The following HERC1 variants were observed in gnomAD, a reference collection of about 807,000 sequenced individuals.
HERC1 encodes HECT and RLD domain containing E3 ubiquitin protein ligase family member 1, also known as probable E3 ubiquitin-protein ligase HERC1.
In HERC1, 160 loss-of-function variants were observed where a neutral mutation model predicts 554.3. That is an observed-to-expected ratio of 0.29 (90% CI 0.25 to 0.33). The LOEUF is 0.33. Among genes scored for constraint, HERC1 ranks in the 10% least tolerant of loss-of-function variants. The pLI, the probability that HERC1 is intolerant of heterozygous loss-of-function variation, is 1.00. For missense variants in HERC1, 4,919 were observed against 5,918.5 expected, an observed-to-expected ratio of 0.83 and a Z score of 5.54; for synonymous variants, 2,175 against 2,131.7, an observed-to-expected ratio of 1.02 and a Z score of -0.56.
intron 1 of HERC1, among the ~76,000 whole-genome samples, chr15:63,832,300 T>C (rs1267700636): frequency 1.3e-5 from 2 of 152,168 alleles, no homozygotes; most frequent in African/African-American, 4.8e-5. Context: ...TCTATACATA[T>C]ATACGTACAT....
At chr15:63,642,568 C>T (rs918718111) in intron 59 of HERC1, among the ~76,000 whole-genome samples, 7 of 152,184 alleles carry the variant, frequency 4.6e-5, no homozygotes, top group Non-Finnish European at 8.8e-5. Context: ...GAACTCAGGA[C>T]CTTGAGCAAT....
rs565019858 is a variant in HERC1, at chr15:63,630,847, C to T, written c.12797-212G>A. 95 of 474,134 alleles carry T rather than the reference C, an allele frequency of 2.0e-4. No individual in the cohort carries two copies. In the East Asian group the frequency reaches 3.1e-3, roughly 16 times the overall value. The allele number at this position is 474,134 out of a possible 1,614,324, so 29.4% of individuals were successfully genotyped here. On this transcript the variant is annotated intron_variant, in intron 68 of 77. Transcript: ENST00000443617. ...GTTTCTCTGCAAAACATCACAGGCT[C>T]TTTATTCATAAAAATTTTTTAAAAA...
intron 1 of HERC1, among the ~76,000 whole-genome samples, chr15:63,816,334 G>A (rs2077492835): frequency 6.6e-6 from 1 of 152,166 alleles, no homozygotes; most frequent in South Asian, 2.1e-4. Context: ...AGCCACATTG[G>A]GAAATGCTGC....
chr15:63,760,319 C>T (rs180758778), intron 3 of HERC1, among the ~76,000 whole-genome samples: 7 of 149,846 alleles, frequency 4.7e-5, no homozygotes, highest in Admixed American at 2.0e-4. Context: ...ACTAATCCTA[C>T]GTAGAAATAA....
chr15:63,725,829 T>C (rs917788076), intron 17 of HERC1, among the ~76,000 whole-genome samples: 10 of 152,152 alleles, frequency 6.6e-5, no homozygotes, highest in Admixed American at 3.3e-4. Context: ...AAATTCACTA[T>C]CTTTAGGGAG....
chr15:63,725,782 C>G (rs1318269132), intron 17 of HERC1, among the ~76,000 whole-genome samples: 1 of 151,978 alleles, frequency 6.6e-6, no homozygotes, highest in African/African-American at 2.4e-5. Context: ...AACATTATTC[C>G]AATCAATTAT....
intron 43 of HERC1, 50 bp downstream of exon 43, chr15:63,664,419 CT>C (rs969607630): frequency 8.3e-6 from 13 of 1,558,954 alleles, no homozygotes; most frequent in Non-Finnish European, 9.6e-6. Context: ...CTTTACATTG[CT>C]TTCAAAATAA....
At chr15:63,713,332 T>C (rs1172157035) in intron 23 of HERC1, 21 bp downstream of exon 23, 1 of 1,597,586 alleles carries the variant, frequency 6.3e-7, no homozygotes, top group Non-Finnish European at 8.6e-7. Flanking sequence ...GGTCATGTTT[T>C]CAGTGTCTAG....
chr15:63,633,681 TCAAGACCTAG>T (rs1483497145), intron 67 of HERC1, among the ~76,000 whole-genome samples, 157 bp downstream of exon 67: 2 of 152,194 alleles, frequency 1.3e-5, no homozygotes, highest in African/African-American at 4.8e-5. Context: ...TTATTTAAAA[TCAAGACCTAG>T]CATGTGGGCA....
At chr15:63,783,377 G>C (rs2076343518) in intron 1 of HERC1, among the ~76,000 whole-genome samples, 1 of 152,034 alleles carries the variant, frequency 6.6e-6, no homozygotes, top group East Asian at 1.9e-4. Context: ...ACAACTCTTT[G>C]AAGGATCAGA....
At chr15:63,760,435 C>CAAAAAAAAAAAAAAAA (rs34164820) in intron 3 of HERC1, among the ~76,000 whole-genome samples, 2 of 91,424 alleles carry the variant, frequency 2.2e-5, no homozygotes, top group African/African-American at 4.3e-5. Flanking sequence ...AGACACCATC[C>CAAAAAAAAAAAAAAAA]AAAAAAAAAA....
chr15:63,647,810 A>C (rs1418857506), intron 55 of HERC1, among the ~76,000 whole-genome samples: 2 of 152,178 alleles, frequency 1.3e-5, no homozygotes, highest in Non-Finnish European at 2.9e-5. Context: ...GACAAAAAAC[A>C]ACAGATGTTG....
chr15:63,638,865 C>G lies in HERC1; in HGVS notation c.11902-89G>C, dbSNP rs59224907. The G allele has an allele frequency of 2.8e-3, 2,482 of 871,284 alleles. 42 individuals are homozygous for G. In the African/African-American group the frequency reaches 0.038, roughly 13 times the overall value. The allele number at this position is 871,284 out of a possible 1,614,324, so 54.0% of individuals were successfully genotyped here. A position where few individuals can be genotyped will look rare whatever the true frequency, so the allele number is the denominator to read the frequency against. On this transcript the variant is annotated intron_variant, in intron 61 of 77. Transcript: ENST00000443617. ...CAAAGTCCTCTTCTAATCATTAAGTCTTATTTCCAAAAAAGAATATGGTAA... is the reference window on the plus strand; with the variant it reads ...CAAAGTCCTCTTCTAATCATTAAGTGTTATTTCCAAAAAAGAATATGGTAA...
rs941934681 is a variant in HERC1, at chr15:63,655,836, T to G, written c.9990A>C (p.Pro3330=). 2.5e-6 allele frequency: 4 copies of G among 1,603,716 alleles called. No individual in the cohort carries two copies. The highest frequency in any genetic ancestry group is 2.7e-5 in the African/African-American group (2 of 74,932). ...IAEENKLVTS[P]NFVVTQALVA... ...CAAGGGCCTGTGTTACAACAAAGTT[T>G]GGGGAGGTCACAAGCTTGTTCTCTT... is the stretch of plus-strand genomic sequence containing the variant. The change falls in exon 50 of 78, where the codon CCA becomes CCC. Residue 3330 remains proline (P), a synonymous_variant. Coordinates refer to ENST00000443617, the MANE Select transcript of HERC1 (RefSeq NM_003922.4).
intron 40 of HERC1, among the ~76,000 whole-genome samples, chr15:63,668,616 T>TA (rs2070755472): frequency 1.3e-5 from 2 of 152,246 alleles, no homozygotes; most frequent in East Asian, 3.9e-4. Context: ...TAACAATTTT[T>TA]AAAAAGCAGG....
Position 63,622,688 on chromosome 15 carries a change from A to G in HERC1, c.13688+127T>C, listed in dbSNP as rs965403808. ...ACAATATTTACTCCTTAGGGTTACAATGAGGACTGAAGGGGATAATAGGTG... is the reference window on the plus strand; with the variant it reads ...ACAATATTTACTCCTTAGGGTTACAGTGAGGACTGAAGGGGATAATAGGTG... On this transcript the variant is annotated intron_variant, in intron 74 of 77. Transcript: ENST00000443617. 9.8e-6 allele frequency: 6 copies of G among 612,416 alleles called. No homozygotes were observed. In the Admixed American group the frequency reaches 1.1e-4, roughly 11 times the overall value. The allele number at this position is 612,416 out of a possible 1,614,324, so 37.9% of individuals were successfully genotyped here. A position where few individuals can be genotyped will look rare whatever the true frequency, so the allele number is the denominator to read the frequency against.
At chr15:63,618,836 C>A (rs140530517) in intron 74 of HERC1, among the ~76,000 whole-genome samples, 1 of 152,176 alleles carries the variant, frequency 6.6e-6, no homozygotes, top group African/African-American at 2.4e-5. Flanking sequence ...GATTTTTGCA[C>A]ATTGATTTTG....
At chr15:63,822,755 C>CCA (rs1381314711) in intron 1 of HERC1, among the ~76,000 whole-genome samples, 1 of 151,916 alleles carries the variant, frequency 6.6e-6, no homozygotes, top group Non-Finnish European at 1.5e-5. Flanking sequence ...TTATAATTAC[C>CCA]CACACAGGAG....
chr15:63,676,669 T>C (rs1342869686), intron 37 of HERC1, among the ~76,000 whole-genome samples: 2 of 152,138 alleles, frequency 1.3e-5, no homozygotes, highest in African/African-American at 4.8e-5. Context: ...GGTGGGAGAA[T>C]TGCTTGAACC....
Sources: allele counts gnomAD v4.1 joint callset (sites outside exome capture counted in the v4.1 genomes callset), GRCh38; gene constraint gnomAD v4.1.1; transcripts MANE v1.5; gene names NCBI Gene and HGNC (gene_info 2026-07-23, HGNC 2026-07-21).